The following NAAA variants were observed in gnomAD, a reference collection of about 807,000 sequenced individuals.
NAAA encodes N-acylethanolamine-hydrolyzing acid amidase.
In NAAA, 39 loss-of-function variants were observed where a neutral mutation model predicts 44.8. The ratio of observed to expected loss-of-function variants is 0.87; its 90% confidence interval spans 0.67 to 1.14. The LOEUF (loss-of-function observed/expected upper bound fraction) is 1.14. Among genes scored for constraint, NAAA ranks in the 50% most tolerant of loss-of-function variants. The pLI is 0.00. For synonymous variants in NAAA, 178 were observed against 191.3 expected (o/e 0.93, Z 0.58); for missense variants, 460 against 467.8 (o/e 0.98, Z 0.15).
At chr4:75,915,560 C>A (rs1725557871) in intron 9 of NAAA, among the ~76,000 whole-genome samples, 1 of 152,062 alleles carries the variant, frequency 6.6e-6, no homozygotes, top group Non-Finnish European at 1.5e-5. Context: ...AGAATATCAC[C>A]CAGGGAAGAG....
Position 75,919,904 on chromosome 4 carries a change from G to A in NAAA, c.969+5C>T. 6.2e-7 allele frequency: 1 copy of A among 1,611,156 alleles called. No homozygotes were observed. Among genetic ancestry groups the A allele is most frequent in the Non-Finnish European group, 8.5e-7 (1 of 1,177,364 alleles). ...AGGTATGCAGGACACTGTGACACAA[G>A]TTACCTGGAAAAGTGCCTCCAGGCT... On this transcript the variant is annotated splice_donor_5th_base_variant and intron_variant, in intron 8 of 10. Coordinates refer to ENST00000286733, the MANE Select transcript of NAAA (RefSeq NM_014435.4).
chr4:75,931,273 T>A lies in NAAA; in HGVS notation c.530A>T (p.Tyr177Phe). The A allele has an allele frequency of 6.2e-7, 1 of 1,612,174 alleles. No individual in the cohort carries two copies. The highest frequency in any genetic ancestry group is 8.5e-7 in the Non-Finnish European group (1 of 1,178,442). Residue 177 changes from tyrosine (Y) to phenylalanine (F), a missense_variant, in exon 4 of 11, where the codon TAT becomes TTT. By Grantham distance (22) the Tyr-to-Phe change is conservative. Coordinates refer to ENST00000286733, the MANE Select transcript of NAAA (RefSeq NM_014435.4). The part of the protein sequence containing the change: ...IAFTGTTFIG[Y>F]VGLWTGQSPH... Reference sequence around the variant, plus strand: ...GCTCTGGCCAGTCCATAATCCTACATAGCCAATAAAAGTAGTTCCTGTGAA... The same window carrying A: ...GCTCTGGCCAGTCCATAATCCTACAAAGCCAATAAAAGTAGTTCCTGTGAA...
intron 3 of NAAA, chr4:75,935,868 G>C (rs1464314250): frequency 3.4e-6 from 2 of 584,218 alleles, no homozygotes; most frequent in Non-Finnish European, 6.0e-6. Flanking sequence ...CTCTAAAAGA[G>C]ATTTCCCTAT....
chr4:75,926,611 C>T (rs866676366), intron 4 of NAAA, among the ~76,000 whole-genome samples: 3 of 146,290 alleles, frequency 2.1e-5, no homozygotes, highest in Non-Finnish European at 4.5e-5. Context: ...AGGCAATTCA[C>T]AGATTGAGAG....
At chr4:75,936,995 T>G (rs1727780496) in intron 2 of NAAA, among the ~76,000 whole-genome samples, 1 of 152,264 alleles carries the variant, frequency 6.6e-6, no homozygotes, top group African/African-American at 2.4e-5. Flanking sequence ...TCTGGTCATT[T>G]TTTAATAACA....
intron 4 of NAAA, chr4:75,930,464 C>A (rs759030672): frequency 2.1e-5 from 11 of 517,438 alleles, no homozygotes; most frequent in Non-Finnish European, 3.9e-5. Context: ...CCCTGCCTAA[C>A]AGGACTGTTG....
intron 8 of NAAA, 177 bp downstream of exon 8, chr4:75,919,732 C>T (rs371848004): frequency 1.6e-6 from 1 of 640,200 alleles, no homozygotes. Flanking sequence ...CCTGCCTAGG[C>T]CTCCCAAAGT....
intron 9 of NAAA, chr4:75,917,654 C>T (rs61664656): frequency 0.068 from 16,904 of 248,546 alleles, 1,066 homozygotes; most frequent in African/African-American, 0.19. Context: ...TTAGTAGAGA[C>T]GAGGTTTCAC....
chr4:75,923,338 G>A (rs945245041), intron 5 of NAAA, among the ~76,000 whole-genome samples: 1 of 152,176 alleles, frequency 6.6e-6, no homozygotes, highest in Middle Eastern at 3.2e-3. Context: ...GGGTAGAAGA[G>A]TCCTTGGCAA....
At chr4:75,921,873 G>C (rs77691004) in intron 5 of NAAA, among the ~76,000 whole-genome samples, 3,491 of 152,230 alleles carry the variant, frequency 0.023, 131 homozygotes, top group African/African-American at 0.079. Context: ...CCCCGAGGGC[G>C]CATGATGACT....
chr4:75,938,158 AC>A (rs1485272847), intron 2 of NAAA, among the ~76,000 whole-genome samples: 1 of 152,310 alleles, frequency 6.6e-6, no homozygotes, highest in African/African-American at 2.4e-5. Flanking sequence ...AGTGCCTGGC[AC>A]CCAGTAGGCT....
At chr4:75,922,202 G>A (rs893106124) in intron 5 of NAAA, among the ~76,000 whole-genome samples, 6 of 151,888 alleles carry the variant, frequency 4.0e-5, no homozygotes, top group Admixed American at 3.9e-4. Flanking sequence ...ATAACCATAA[G>A]GCAAGAAAAC....
chr4:75,913,056 C>T (rs2047985), downstream of NAAA, among the ~76,000 whole-genome samples: 131,931 of 151,176 alleles, frequency 0.87, 57,573 homozygotes, highest in Middle Eastern at 0.94. Context: ...GCCTGGGAAC[C>T]GAGACACTCC....
Position 75,921,014 on chromosome 4 carries a change from AC to A in NAAA, c.775del (p.Val259TrpfsTer16). On this transcript the variant is annotated frameshift_variant, in exon 6 of 11. Transcript: ENST00000286733. LOFTEE classifies it high-confidence loss of function. ...GCCATCTCTGTTCCTCGTGATGACC[AC>A]CCCCTCCCGGGGGGACGTGCCACCA... ...IVGGTSPREG[V>X]VITRNRDGPA... The A allele has an allele frequency of 6.2e-7, 1 of 1,610,504 alleles. No homozygotes were observed. Among genetic ancestry groups the A allele is most frequent in the Non-Finnish European group, 8.5e-7 (1 of 1,179,222 alleles).
At chr4:75,939,980 G>A (rs774355502) in intron 2 of NAAA, 21 bp downstream of exon 2, 11 of 1,610,984 alleles carry the variant, frequency 6.8e-6, no homozygotes, top group Non-Finnish European at 8.5e-7. Context: ...GCGTTACTCC[G>A]CGCGGGCTTG....
intron 9 of NAAA, chr4:75,916,435 C>T (rs1725633100): frequency 6.6e-6 from 1 of 152,180 alleles, no homozygotes; most frequent in African/African-American, 2.4e-5. Context: ...ACTTGGTAAA[C>T]TGTTTATAAT....
downstream of NAAA, among the ~76,000 whole-genome samples, chr4:75,910,904 G>A (rs1725301830): frequency 6.6e-6 from 1 of 152,182 alleles, no homozygotes; most frequent in Admixed American, 6.5e-5. Context: ...GTCCAAAAAA[G>A]GAGTCAGCAA....
chr4:75,913,317 G>A (rs536613708), downstream of NAAA, among the ~76,000 whole-genome samples: 9 of 151,666 alleles, frequency 5.9e-5, no homozygotes, highest in Admixed American at 5.3e-4. Context: ...TTTAAATACC[G>A]AAGTTCCTCA....
chr4:75,925,756 G>A lies in NAAA; in HGVS notation c.645C>T (p.Pro215=), dbSNP rs540750805. The change falls in exon 5 of 11, where the codon CCC becomes CCT. Residue 215 remains proline, a synonymous_variant. Transcript: ENST00000286733. ...AIAALFRRHI[P]VSWLIRATLS... is the part of the protein sequence containing the mutation. ...TCACAGCGCGGATCAGCCAGCTGAC[G>A]GGAATGTGTCTCCGAAACAGGGCAG... 14 of 1,614,174 alleles carry A rather than the reference G, an allele frequency of 8.7e-6. No individual in the cohort carries two copies. Among genetic ancestry groups the A allele is most frequent in the African/African-American group, 8.0e-5 (6 of 75,042 alleles).
Sources: gnomAD v4.1 joint callset for allele counts (sites outside exome capture counted in the v4.1 genomes callset) on GRCh38, gnomAD v4.1.1 for gene constraint, MANE v1.5 for transcripts, NCBI Gene and HGNC (gene_info 2026-07-23, HGNC 2026-07-21) for gene names.